JAZF1: variants seen among roughly 807,000 people sequenced by gnomAD.
JAZF1 encodes juxtaposed with another zinc finger protein 1.
JAZF1 carries 8 observed loss-of-function variants against 26.4 expected under a neutral mutation model. That is an observed-to-expected ratio of 0.30 (90% CI 0.18 to 0.55). The LOEUF (loss-of-function observed/expected upper bound fraction) is 0.55. Among genes scored for constraint, JAZF1 ranks in the 20% least tolerant of loss-of-function variants. The pLI, the probability that JAZF1 is intolerant of heterozygous loss-of-function variation, is 0.94. For missense variants in JAZF1, 199 were observed against 322.0 expected (o/e 0.62, Z 2.92); for synonymous variants, 126 against 122.3 (o/e 1.03, Z -0.20).
At chr7:28,127,917 C>T (rs1382255436) in intron 1 of JAZF1, among the ~76,000 whole-genome samples, 6 of 152,046 alleles carry the variant, frequency 3.9e-5, no homozygotes, top group Admixed American at 3.9e-4. Context: ...GAGAAGTGCC[C>T]TCATGATTCA....
rs116471449 is a variant in JAZF1 at position 27,956,924 on chromosome 7, C to T, written c.188+34985G>A. Among the ~76,000 whole-genome samples the T allele has an allele frequency of 5.1e-3, 779 of 152,326 alleles. 7 individuals are homozygous for T. Among genetic ancestry groups the T allele is most frequent in the African/African-American group, 0.018 (740 of 41,568 alleles). ...GCAAGAGTCTATTTATGTGAGATCA[C>T]GCTGAGGCAAGGCTGCACACGAATA... On this transcript the variant is annotated intron_variant, in intron 2 of 4. Coordinates refer to ENST00000283928, the MANE Select transcript of JAZF1 (RefSeq NM_175061.4).
chr7:27,833,269 A>G (rs1278875942), intron 4 of JAZF1: 1 of 186,730 alleles, frequency 5.4e-6, no homozygotes, highest in Admixed American at 5.9e-5. Context: ...GGACTTACAG[A>G]CTGTATAAAG....
At position 28,057,444 on chromosome 7, in the gene JAZF1, T is replaced by C. The variant is rs568264846; in HGVS notation, c.116-65463A>G. ...AATATTGTGCCGAGTACTCTGTAAGTACTTTATATGTATTATCTCATTTAA... is the reference window on the plus strand; with the variant it reads ...AATATTGTGCCGAGTACTCTGTAAGCACTTTATATGTATTATCTCATTTAA... On this transcript the variant is annotated intron_variant, in intron 1 of 4. Transcript: ENST00000283928. Among the ~76,000 whole-genome samples, 6 of 152,350 alleles carry C rather than the reference T, an allele frequency of 3.9e-5. No homozygotes were observed. In the South Asian group the frequency reaches 1.0e-3, roughly 26 times the overall value.
At chr7:27,928,142 G>A (rs1784628916) in intron 2 of JAZF1, among the ~76,000 whole-genome samples, 1 of 152,136 alleles carries the variant, frequency 6.6e-6, no homozygotes, top group Non-Finnish European at 1.5e-5. Context: ...TGAACAGAGG[G>A]ATTTATTTTC....
chr7:28,068,777 C>T lies in JAZF1; in HGVS notation c.116-76796G>A, dbSNP rs117714446. On this transcript the variant is annotated intron_variant, in intron 1 of 4. Transcript: ENST00000283928. ...GGTAAACAATGTTGACACTGTTGGC[C>T]ACTTTGTTTTAAAATCATATAAAAT... 3.7e-3 allele frequency among the ~76,000 whole-genome samples: 556 copies of T among 152,234 alleles called. 5 individuals are homozygous for T. The highest frequency in any genetic ancestry group is 0.017 in the Middle Eastern group (5 of 294).
intron 1 of JAZF1, among the ~76,000 whole-genome samples, chr7:28,141,089 G>A (rs1468810208): frequency 1.3e-5 from 2 of 152,176 alleles, no homozygotes; most frequent in Non-Finnish European, 2.9e-5. Context: ...TTAATTTGGA[G>A]TAGAACAAAA....
At chr7:27,930,438 A>G (rs1784671737) in intron 2 of JAZF1, among the ~76,000 whole-genome samples, 1 of 152,204 alleles carries the variant, frequency 6.6e-6, no homozygotes, top group Non-Finnish European at 1.5e-5. Context: ...AAACCTGACC[A>G]CTGTTTTCCC....
chr7:27,893,642 T>A lies in JAZF1; in HGVS notation c.385+1578A>T, dbSNP rs150501894. Among the ~76,000 whole-genome samples the A allele has an allele frequency of 7.4e-4, 113 of 152,368 alleles. No individual in the cohort carries two copies. The East Asian group carries it at 0.019, about 25-fold the overall frequency. On this transcript the variant is annotated intron_variant, in intron 3 of 4. Coordinates refer to ENST00000283928, the MANE Select transcript of JAZF1 (RefSeq NM_175061.4). The stretch of plus-strand genomic sequence containing the variant: ...TCAAACTTCTCTCCGGATGCCCTCC[T>A]ATCACAGAATTCTATATAGCACTTG...
intron 1 of JAZF1, among the ~76,000 whole-genome samples, chr7:28,162,149 T>G (rs1366954130): frequency 6.6e-6 from 1 of 152,232 alleles, no homozygotes; most frequent in Non-Finnish European, 1.5e-5. Flanking sequence ...AGGCAGGAAC[T>G]TGCTAACTGT....
intron 1 of JAZF1, among the ~76,000 whole-genome samples, chr7:28,086,730 A>T (rs1784217628): frequency 6.6e-6 from 1 of 152,220 alleles, no homozygotes. Context: ...TCATAATAGG[A>T]GCGATGATTT....
At position 27,871,540 on chromosome 7, in the gene JAZF1, A is replaced by G. The variant is rs143111122; in HGVS notation, c.385+23680T>C. Among the ~76,000 whole-genome samples the G allele has an allele frequency of 3.3e-5, 5 of 152,334 alleles. No homozygotes were observed. The East Asian group carries it at 9.6e-4, about 29-fold the overall frequency. ...AGGATTAATGAACAGATACTCAGCA[A>G]ACCTTCGGGGGAGACACAGACAACC... On this transcript the variant is annotated intron_variant, in intron 3 of 4. Coordinates refer to ENST00000283928, the MANE Select transcript of JAZF1 (RefSeq NM_175061.4).
intron 3 of JAZF1, among the ~76,000 whole-genome samples, chr7:27,859,884 T>C (rs1188868344): frequency 2.0e-5 from 3 of 152,120 alleles, no homozygotes; most frequent in Non-Finnish European, 4.4e-5. Flanking sequence ...AGAAAATGAA[T>C]ACAAATTATC....
chr7:28,012,463 T>C (rs1767206000), intron 1 of JAZF1, among the ~76,000 whole-genome samples: 1 of 152,144 alleles, frequency 6.6e-6, no homozygotes, highest in East Asian at 1.9e-4. Context: ...AAAAAACCCC[T>C]CTTAAAGGAT....
intron 1 of JAZF1, among the ~76,000 whole-genome samples, chr7:28,038,105 GA>G (rs1229673692): frequency 1.3e-5 from 2 of 152,130 alleles, no homozygotes; most frequent in African/African-American, 4.8e-5. Flanking sequence ...AACAAAGGAA[GA>G]AAATACCAGA....
intron 2 of JAZF1, among the ~76,000 whole-genome samples, chr7:27,963,565 C>CG (rs1251721275): frequency 9.4e-6 from 1 of 106,688 alleles, no homozygotes. Flanking sequence ...AATTCCCCCC[C>CG]CCCCTTTTTT....
chr7:27,851,422 G>C (rs1783147673), intron 3 of JAZF1, among the ~76,000 whole-genome samples: 1 of 152,188 alleles, frequency 6.6e-6, no homozygotes, highest in South Asian at 2.1e-4. Flanking sequence ...GCTGAGGTGG[G>C]AGGATCATTT....
At chr7:27,985,657 G>C (rs1254542900) in intron 2 of JAZF1, among the ~76,000 whole-genome samples, 1 of 152,100 alleles carries the variant, frequency 6.6e-6, no homozygotes, top group Non-Finnish European at 1.5e-5. Flanking sequence ...CAAAAAAAGA[G>C]AATTTTAGAC....
chr7:28,071,536 T>C (rs997858828), intron 1 of JAZF1: 4 of 457,740 alleles, frequency 8.7e-6, no homozygotes, highest in Middle Eastern at 3.3e-4. Flanking sequence ...AATATATTAA[T>C]ACACAAAAGT....
chr7:27,999,492 A>G (rs191353276), intron 1 of JAZF1, among the ~76,000 whole-genome samples: 5 of 152,338 alleles, frequency 3.3e-5, no homozygotes, highest in Admixed American at 2.6e-4. Context: ...GAAGGCTGGA[A>G]GGCAAAAACC....
Sources: allele counts gnomAD v4.1 joint callset (sites outside exome capture counted in the v4.1 genomes callset), GRCh38; gene constraint gnomAD v4.1.1; transcripts MANE v1.5; gene names NCBI Gene and HGNC (gene_info 2026-07-23, HGNC 2026-07-21).